The following CATSPERT variants were observed in gnomAD, a reference collection of about 807,000 sequenced individuals.
CATSPERT encodes cation channel sperm-associated targeting subunit tau.
At chr2:201,494,588 C>T in the CATSPERT span, 22 of 1,537,076 alleles carry the variant, frequency 1.4e-5, no homozygotes, top group South Asian at 1.8e-4. Flanking sequence ...TTAGCAGGTC[C>T]TGCAGTTTTT....
the CATSPERT span, among the ~76,000 whole-genome samples, chr2:201,591,250 C>T: frequency 1.3e-5 from 2 of 151,752 alleles, no homozygotes; most frequent in Non-Finnish European, 1.5e-5. Flanking sequence ...GAATCCTTTC[C>T]CCATTGCTTG....
chr2:201,614,323 C>T, the CATSPERT span, among the ~76,000 whole-genome samples: 3,994 of 152,246 alleles, frequency 0.026, 232 homozygotes, highest in East Asian at 0.27. Flanking sequence ...GGTCGGGTTA[C>T]CCACAAAGGG....
At chr2:201,501,267 A>G in the CATSPERT span, among the ~76,000 whole-genome samples, 1 of 151,794 alleles carries the variant, frequency 6.6e-6, no homozygotes, top group Non-Finnish European at 1.5e-5. Context: ...GCATGGTGGT[A>G]CATGCCTGTA....
the CATSPERT span, among the ~76,000 whole-genome samples, chr2:201,517,825 A>G: frequency 6.6e-6 from 1 of 152,212 alleles, no homozygotes; most frequent in Non-Finnish European, 1.5e-5. Flanking sequence ...GATGGGAAAA[A>G]GTCAAAGAGT....
chr2:201,590,757 A>C, the CATSPERT span, among the ~76,000 whole-genome samples: 1 of 152,018 alleles, frequency 6.6e-6, no homozygotes, highest in East Asian at 1.9e-4. Flanking sequence ...CATTTTTTCA[A>C]GTGTTTTTTG....
the CATSPERT span, among the ~76,000 whole-genome samples, chr2:201,568,647 G>A: frequency 2.6e-5 from 4 of 152,200 alleles, no homozygotes; most frequent in Non-Finnish European, 5.9e-5. Context: ...AAATATGGGA[G>A]TTAAATGGAG....
the CATSPERT span, among the ~76,000 whole-genome samples, chr2:201,606,873 T>C: frequency 6.9e-6 from 1 of 144,576 alleles, no homozygotes; most frequent in Non-Finnish European, 1.5e-5. Flanking sequence ...CACTCCAGCT[T>C]GGGCGATAGA....
chr2:201,590,217 T>C, the CATSPERT span, among the ~76,000 whole-genome samples: 2 of 151,036 alleles, frequency 1.3e-5, no homozygotes, highest in African/African-American at 2.4e-5. Flanking sequence ...TTCCCACCTA[T>C]GAGTGAGAAT....
chr2:201,568,038 G>C, the CATSPERT span, among the ~76,000 whole-genome samples: 8,373 of 152,246 alleles, frequency 0.055, 281 homozygotes, highest in African/African-American at 0.08. Context: ...AAGAGGCCCA[G>C]CTGTGGTTAT....
chr2:201,491,948 T>G, the CATSPERT span: 1 of 1,537,036 alleles, frequency 6.5e-7, no homozygotes, highest in Non-Finnish European at 8.7e-7. Context: ...TCTGATGACT[T>G]ACTTAATGGA....
At chr2:201,609,297 A>G in the CATSPERT span, among the ~76,000 whole-genome samples, 1 of 152,212 alleles carries the variant, frequency 6.6e-6, no homozygotes, top group South Asian at 2.1e-4. Context: ...ACAGAAAACT[A>G]ACAGAGAAAC....
At chr2:201,563,891 C>T in the CATSPERT span, among the ~76,000 whole-genome samples, 1 of 152,164 alleles carries the variant, frequency 6.6e-6, no homozygotes, top group Non-Finnish European at 1.5e-5. Flanking sequence ...GAAAGGAAGT[C>T]CAGAGACATG....
At chr2:201,584,545 G>T in the CATSPERT span, among the ~76,000 whole-genome samples, 1 of 152,100 alleles carries the variant, frequency 6.6e-6, no homozygotes. Context: ...AGCACTTTGG[G>T]AGGCCGAGGT....
chr2:201,496,940 G>T, the CATSPERT span, among the ~76,000 whole-genome samples: 1 of 152,208 alleles, frequency 6.6e-6, no homozygotes, highest in Admixed American at 6.5e-5. Context: ...GAGGGAGAAT[G>T]AGTGGCTTTA....
chr2:201,609,741 A>C, the CATSPERT span, among the ~76,000 whole-genome samples: 1 of 152,224 alleles, frequency 6.6e-6, no homozygotes, highest in Non-Finnish European at 1.5e-5. Flanking sequence ...AAGAAGTAGA[A>C]AGGTTTCAAA....
the CATSPERT span, among the ~76,000 whole-genome samples, chr2:201,537,994 CT>C: frequency 1.3e-5 from 2 of 151,964 alleles, no homozygotes; most frequent in Non-Finnish European, 2.9e-5. Flanking sequence ...AACTACATGA[CT>C]TCGTTCAGCT....
chr2:201,595,390 G>A, the CATSPERT span, among the ~76,000 whole-genome samples: 14 of 151,798 alleles, frequency 9.2e-5, no homozygotes, highest in East Asian at 7.8e-4. Flanking sequence ...GGGTTTCACC[G>A]TGTTAGCCAG....
At chr2:201,582,714 C>T in the CATSPERT span, among the ~76,000 whole-genome samples, 2 of 152,266 alleles carry the variant, frequency 1.3e-5, no homozygotes, top group East Asian at 3.9e-4. Context: ...ATTGCCTGAA[C>T]TTGAAACTCT....
At chr2:201,568,468 T>C in the CATSPERT span, among the ~76,000 whole-genome samples, 1 of 152,092 alleles carries the variant, frequency 6.6e-6, no homozygotes, top group African/African-American at 2.4e-5. Flanking sequence ...TATGGAGAAA[T>C]AAGCATTTGC....
Sources: allele counts gnomAD v4.1 joint callset (sites outside exome capture counted in the v4.1 genomes callset), GRCh38; gene constraint gnomAD v4.1.1; transcripts MANE v1.5; gene names NCBI Gene and HGNC (gene_info 2026-07-23, HGNC 2026-07-21).